The following PCDHA8 variants were observed in gnomAD, a reference collection of about 807,000 sequenced individuals.
PCDHA8 encodes protocadherin alpha-8.
A neutral mutation model predicts 61.8 loss-of-function variants in PCDHA8; 53 were observed. The ratio of observed to expected loss-of-function variants is 0.86; its 90% CI spans 0.69 to 1.08. The LOEUF (loss-of-function observed/expected upper bound fraction) is 1.08, where lower values mean the gene tolerates loss of function less well. Ranked by LOEUF, PCDHA8 falls within the 50% of genes least tolerant of loss-of-function variation. The probability of loss-of-function intolerance (pLI) is 0.00; values close to 1 mark genes in which losing one functional copy is unlikely to be tolerated. For synonymous variants in PCDHA8, 618 were observed against 556.6 expected (o/e 1.11, Z -1.55); for missense variants, 1,293 against 1,245.0 (o/e 1.04, Z -0.58).
chr5:140,973,384 CAAAG>C (rs1250756648), intron 1 of PCDHA8, among the ~76,000 whole-genome samples: 4 of 152,194 alleles, frequency 2.6e-5, no homozygotes, highest in Non-Finnish European at 5.9e-5. Context: ...TCAGAATAGA[CAAAG>C]AAATCATATC....
rs782513442 is a variant in PCDHA8 at position 140,877,300 on chromosome 5, G to C, written c.2394+33585G>C. 7 of 1,613,828 alleles carry C rather than the reference G, an allele frequency of 4.3e-6. No homozygotes were observed. The South Asian group carries it at 4.4e-5, about 10-fold the overall frequency. Reference sequence around the variant, plus strand: ...CGGCTATAACGCTTGGCTGTCCTACGAGTTGCAACCGGCGGCGGTCGGCGC... The same window carrying C: ...CGGCTATAACGCTTGGCTGTCCTACCAGTTGCAACCGGCGGCGGTCGGCGC... On this transcript the variant is annotated intron_variant, in intron 1 of 3. Transcript: ENST00000531613.
At chr5:140,967,136 C>CTT (rs1401459371) in intron 1 of PCDHA8, 1 of 1,611,568 alleles carries the variant, frequency 6.2e-7, no homozygotes, top group African/African-American at 1.3e-5. Context: ...CTTGGAAGTG[C>CTT]TGGCGCACAA....
intron 1 of PCDHA8, chr5:140,969,060 A>T (rs2096292130): frequency 6.2e-7 from 1 of 1,614,012 alleles, no homozygotes. Context: ...AACAATATTG[A>T]TGCCAGGATA....
chr5:140,974,481 A>T (rs1017520033), intron 1 of PCDHA8, among the ~76,000 whole-genome samples: 4 of 152,178 alleles, frequency 2.6e-5, no homozygotes, highest in Non-Finnish European at 5.9e-5. Context: ...TTCCACCCAG[A>T]ATTCTCAAAT....
At chr5:140,908,142 A>G (rs1371459142) in intron 1 of PCDHA8, among the ~76,000 whole-genome samples, 1 of 152,158 alleles carries the variant, frequency 6.6e-6, no homozygotes, top group Non-Finnish European at 1.5e-5. Flanking sequence ...TCCTTCAGGT[A>G]TGTCCTAGGA....
intron 3 of PCDHA8, among the ~76,000 whole-genome samples, chr5:140,989,709 C>T (rs2097355670): frequency 6.6e-6 from 1 of 152,160 alleles, no homozygotes; most frequent in South Asian, 2.1e-4. Flanking sequence ...TCTTCAGAGG[C>T]AGTCAGCTTT....
chr5:140,869,297 G>T lies in PCDHA8; in HGVS notation c.2394+25582G>T. 3.7e-6 allele frequency: 6 copies of T among 1,613,580 alleles called. No homozygotes were observed. The highest frequency in any genetic ancestry group is 1.1e-5 in the South Asian group (1 of 91,050). On this transcript the variant is annotated intron_variant, in intron 1 of 3. Transcript: ENST00000531613. ...GCGGAGCTGGTGCAGCGCCTGTTCC[G>T]GGTGGCGTCCAAAACACATGGGGAC...
At chr5:140,923,219 CGTTTG>C (rs2081242278) in intron 1 of PCDHA8, among the ~76,000 whole-genome samples, 3 of 151,974 alleles carry the variant, frequency 2.0e-5, no homozygotes, top group Admixed American at 1.3e-4. Context: ...GTGAAAGGAT[CGTTTG>C]AGCCCAGAAG....
chr5:140,984,365 C>G (rs2097099251), intron 3 of PCDHA8, among the ~76,000 whole-genome samples: 1 of 152,128 alleles, frequency 6.6e-6, no homozygotes. Flanking sequence ...TACATCTGGC[C>G]AAGTCCCTCT....
At chr5:140,934,437 T>C (rs950173265) in intron 1 of PCDHA8, among the ~76,000 whole-genome samples, 4 of 152,298 alleles carry the variant, frequency 2.6e-5, no homozygotes, top group Admixed American at 6.5e-5. Context: ...AGTGTAAATA[T>C]AGTGAAAAAT....
At chr5:140,998,125 A>G (rs2097797565) in intron 3 of PCDHA8, among the ~76,000 whole-genome samples, 1 of 152,222 alleles carries the variant, frequency 6.6e-6, no homozygotes. Flanking sequence ...CTTGTGAATC[A>G]TAATAGCTAA....
intron 1 of PCDHA8, among the ~76,000 whole-genome samples, chr5:140,978,085 C>T (rs1056593415): frequency 2.2e-4 from 33 of 152,186 alleles, no homozygotes; most frequent in African/African-American, 8.0e-4. Flanking sequence ...AGCTTCTAAC[C>T]AGCACATAAC....
rs782736508 is a variant in PCDHA8 at position 140,857,757 on chromosome 5, G to A, written c.2394+14042G>A. ...CCCGCGCTGCTGGCGTCTCCCGCTGGCAGCGCGGGCGGTGCAGTCAGTGAG... is the reference window on the plus strand; with the variant it reads ...CCCGCGCTGCTGGCGTCTCCCGCTGACAGCGCGGGCGGTGCAGTCAGTGAG... On this transcript the variant is annotated intron_variant, in intron 1 of 3. Coordinates refer to ENST00000531613, the MANE Select transcript of PCDHA8 (RefSeq NM_018911.3). 1.2e-5 allele frequency: 19 copies of A among 1,597,402 alleles called. No individual in the cohort carries two copies. In the East Asian group the frequency reaches 4.0e-4, roughly 34 times the overall value.
chr5:140,896,214 G>C (rs1265727629), intron 1 of PCDHA8, among the ~76,000 whole-genome samples: 4 of 152,208 alleles, frequency 2.6e-5, no homozygotes, highest in Non-Finnish European at 5.9e-5. Context: ...ACACATACAT[G>C]TGTCTTTATA....
chr5:140,989,733 C>T (rs31874), intron 3 of PCDHA8, among the ~76,000 whole-genome samples: 120,660 of 152,102 alleles, frequency 0.79, 48,852 homozygotes, highest in East Asian at 0.98. Context: ...GTTGAAAAGG[C>T]CATTGCCTAA....
At chr5:140,993,358 A>G (rs1197499617) in intron 3 of PCDHA8, among the ~76,000 whole-genome samples, 7 of 151,988 alleles carry the variant, frequency 4.6e-5, no homozygotes, top group Admixed American at 4.6e-4. Context: ...AGATCCTCAC[A>G]AAAACTACCT....
At chr5:141,002,907 A>T (rs1201381868) in intron 3 of PCDHA8, among the ~76,000 whole-genome samples, 1 of 152,210 alleles carries the variant, frequency 6.6e-6, no homozygotes, top group Non-Finnish European at 1.5e-5. Flanking sequence ...TGAAGAGAAG[A>T]TCAGAAAAGT....
chr5:140,887,251 C>G (rs2153419046), intron 1 of PCDHA8, among the ~76,000 whole-genome samples: 1 of 152,162 alleles, frequency 6.6e-6, no homozygotes. Context: ...CGCCCGCCAC[C>G]ACGCCCTGCT....
At chr5:140,900,369 CTGGGT>C (rs1554189090) in intron 1 of PCDHA8, among the ~76,000 whole-genome samples, 2 of 152,158 alleles carry the variant, frequency 1.3e-5, no homozygotes, top group Non-Finnish European at 2.9e-5. Flanking sequence ...CCTCTGCCTC[CTGGGT>C]TCAAGCGATT....
Sources: gnomAD v4.1 joint callset for allele counts (sites outside exome capture counted in the v4.1 genomes callset) on GRCh38, gnomAD v4.1.1 for gene constraint, MANE v1.5 for transcripts, NCBI Gene and HGNC (gene_info 2026-07-23, HGNC 2026-07-21) for gene names.